ROCK2: variants seen among roughly 807,000 people sequenced by gnomAD.
The protein encoded by ROCK2 is rho-associated protein kinase 2.
In ROCK2, 61 loss-of-function variants were observed where a neutral mutation model predicts 195.1. That is an observed-to-expected ratio of 0.31 (90% CI 0.25 to 0.39). The LOEUF (loss-of-function observed/expected upper bound fraction) is 0.39. Among genes scored for constraint, ROCK2 ranks in the 10% least tolerant of loss-of-function variants. The pLI, the probability that ROCK2 is intolerant of heterozygous loss-of-function variation, is 1.00. For missense variants in ROCK2, 1,109 were observed against 1,637.4 expected, an observed-to-expected ratio of 0.68 and a Z score of 5.57; for synonymous variants, 504 against 545.5, an observed-to-expected ratio of 0.92 and a Z score of 1.06.
At chr2:11,261,729 A>G (rs543996788) in intron 3 of ROCK2, among the ~76,000 whole-genome samples, 2 of 152,306 alleles carry the variant, frequency 1.3e-5, no homozygotes, top group Admixed American at 1.3e-4. Context: ...AGGCAGGAGA[A>G]TCGCTTCAAC....
At chr2:11,320,237 T>C (rs1327183093) in intron 1 of ROCK2, among the ~76,000 whole-genome samples, 1 of 152,214 alleles carries the variant, frequency 6.6e-6, no homozygotes, top group African/African-American at 2.4e-5. Context: ...TTAAGTAGTC[T>C]TCATTCAGCC....
At chr2:11,212,995 A>G (rs1461240087) in intron 17 of ROCK2, among the ~76,000 whole-genome samples, 6 of 152,206 alleles carry the variant, frequency 3.9e-5, no homozygotes, top group Non-Finnish European at 7.3e-5. Flanking sequence ...TATTAACAGC[A>G]TCACTATATA....
In ROCK2 at chr2:11,214,351, T is replaced by C. The variant is rs758594804; in HGVS notation, c.2043+6A>G. 25 of 1,478,890 alleles carry C rather than the reference T, an allele frequency of 1.7e-5. No individual in the cohort carries two copies. The highest frequency in any genetic ancestry group is 2.1e-5 in the Non-Finnish European group (23 of 1,070,646). The allele number at this position is 1,478,890 out of a possible 1,614,324, so 91.6% of individuals were successfully genotyped here. Reference sequence around the variant, plus strand: ...TTCTTATGCAAAAATATAAAACATGTTTTACCTTTTCCAAATCAGTAAATC... The same window carrying C: ...TTCTTATGCAAAAATATAAAACATGCTTTACCTTTTCCAAATCAGTAAATC... On this transcript the variant is annotated splice_donor_region_variant and intron_variant, in intron 17 of 32. Transcript: ENST00000315872.
At chr2:11,183,728 C>A (rs1169879721) in intron 32 of ROCK2, among the ~76,000 whole-genome samples, 4 of 129,638 alleles carry the variant, frequency 3.1e-5, no homozygotes, top group Non-Finnish European at 4.9e-5. Flanking sequence ...AAACAATATA[C>A]CACAGAATAA....
rs1205103887 is a variant in ROCK2, at chr2:11,317,596, ATATATATATATATATAT to A, written c.141+26383_141+26399del. Among the ~76,000 whole-genome samples, 3 of 15,288 alleles carry A rather than the reference ATATATATATATATATAT, an allele frequency of 2.0e-4. 1 individual carries two copies. Among genetic ancestry groups the A allele is most frequent in the African/African-American group, 6.1e-4 (3 of 4,922 alleles). 10.0% of individuals were successfully genotyped at this position (15,288 alleles called of 152,430 possible). Reference sequence around the variant, plus strand: ...CACATTTATATATATATATATATATATATATATATATATATATTTTTTTTTTTTTTTAATTATACTTT... The same window carrying A: ...CACATTTATATATATATATATATATATTTTTTTTTTTTTTAATTATACTTT... On this transcript the variant is annotated intron_variant, in intron 1 of 32. Transcript: ENST00000315872.
chr2:11,217,771 TTAAA>T (rs1664485345), intron 11 of ROCK2: 1 of 153,506 alleles, frequency 6.5e-6, no homozygotes, highest in African/African-American at 2.4e-5. Flanking sequence ...ACCGAAACTA[TTAAA>T]TAATCCATTT....
At chr2:11,299,394 C>T (rs1667638234) in intron 1 of ROCK2, among the ~76,000 whole-genome samples, 1 of 151,986 alleles carries the variant, frequency 6.6e-6, no homozygotes, top group Non-Finnish European at 1.5e-5. Flanking sequence ...TAAGGCACAA[C>T]CAAGTACTTT....
intron 1 of ROCK2, among the ~76,000 whole-genome samples, chr2:11,331,560 T>C (rs1668765327): frequency 7.0e-6 from 1 of 143,060 alleles, no homozygotes; most frequent in Admixed American, 7.5e-5. Flanking sequence ...AGATGGAAGA[T>C]GAACACAGAG....
intron 3 of ROCK2, among the ~76,000 whole-genome samples, chr2:11,281,567 A>G (rs995595883): frequency 7.9e-5 from 12 of 152,220 alleles, no homozygotes. Flanking sequence ...ATGAGCAATG[A>G]AAAAGTGGAA....
chr2:11,203,306 C>CA (rs1362022186), intron 20 of ROCK2, among the ~76,000 whole-genome samples: 3 of 151,838 alleles, frequency 2.0e-5, no homozygotes, highest in East Asian at 1.9e-4. Flanking sequence ...TAAAAACAAG[C>CA]AAAAAATAGA....
Position 11,203,469 on chromosome 2 carries a change from C to T in ROCK2, c.2550-1348G>A, listed in dbSNP as rs181043174. Among the ~76,000 whole-genome samples the T allele has an allele frequency of 4.6e-4, 70 of 151,094 alleles. 1 individual carries two copies. In the East Asian group the frequency reaches 0.013, roughly 29 times the overall value. Reference sequence around the variant, plus strand: ...GCATTCATGAAGGAGAGCTTACGTACTGCTTTTTTTTTTAAATGTAGTCAA... The same window carrying T: ...GCATTCATGAAGGAGAGCTTACGTATTGCTTTTTTTTTTAAATGTAGTCAA... On this transcript the variant is annotated intron_variant, in intron 20 of 32. Transcript: ENST00000315872.
intron 1 of ROCK2, among the ~76,000 whole-genome samples, chr2:11,317,449 C>T (rs1159654450): frequency 6.6e-6 from 1 of 150,382 alleles, no homozygotes; most frequent in Non-Finnish European, 1.5e-5. Flanking sequence ...GAGATAATAA[C>T]ATAACTTTGC....
chr2:11,330,705 G>A (rs976222417), intron 1 of ROCK2, among the ~76,000 whole-genome samples: 5 of 141,310 alleles, frequency 3.5e-5, no homozygotes, highest in African/African-American at 1.3e-4. Flanking sequence ...GAAGGGGGAG[G>A]AAGGAGGAAG....
chr2:11,195,071 T>C (rs760538658), intron 27 of ROCK2, 46 bp from the exon 28 acceptor site: 1 of 1,037,036 alleles, frequency 9.6e-7, no homozygotes, highest in South Asian at 1.7e-5. Context: ...CAATTCTCCT[T>C]AGATAACAAA....
chr2:11,308,176 A>AT (rs1402904379), intron 1 of ROCK2: 3 of 1,595,664 alleles, frequency 1.9e-6, no homozygotes, highest in Non-Finnish European at 2.6e-6. Context: ...GCTCAACACA[A>AT]TAATTCTGAA....
chr2:11,308,300 C>G (rs977398801), intron 1 of ROCK2: 17 of 1,113,224 alleles, frequency 1.5e-5, no homozygotes, highest in African/African-American at 7.7e-5. Context: ...CCTGAAGAAG[C>G]TAGAACCAAT....
rs144082093 is a variant in ROCK2, at chr2:11,232,427, C to T, written c.723+3275G>A. 5.0e-3 allele frequency among the ~76,000 whole-genome samples: 753 copies of T among 152,062 alleles called. 4 individuals are homozygous for T. The highest frequency in any genetic ancestry group is 5.9e-3 in the Non-Finnish European group (400 of 67,974). On this transcript the variant is annotated intron_variant, in intron 5 of 32. Transcript: ENST00000315872. ...TACAGGTGTGAGCCACCACAGCTGGCCAAAACTATGGACATTTCTAATGGC... is the reference window on the plus strand; with the variant it reads ...TACAGGTGTGAGCCACCACAGCTGGTCAAAACTATGGACATTTCTAATGGC...
At chr2:11,218,165 G>A (rs143066531) in intron 11 of ROCK2, 1 of 263,510 alleles carries the variant, frequency 3.8e-6, no homozygotes, top group African/African-American at 2.2e-5. Context: ...ATTGCTTTTG[G>A]CTACTACTGC....
At chr2:11,238,249 G>GTGTGTCTGT (rs1665295495) in intron 4 of ROCK2, among the ~76,000 whole-genome samples, 1 of 142,754 alleles carries the variant, frequency 7.0e-6, no homozygotes. Flanking sequence ...TGTCTGTTGT[G>GTGTGTCTGT]TGTGTCAGTG....
Sources: allele counts gnomAD v4.1 joint callset (sites outside exome capture counted in the v4.1 genomes callset), GRCh38; gene constraint gnomAD v4.1.1; transcripts MANE v1.5; gene names NCBI Gene and HGNC (gene_info 2026-07-23, HGNC 2026-07-21).